ZSWIM5: variants seen among roughly 807,000 people sequenced by gnomAD.
The protein encoded by ZSWIM5 is zinc finger SWIM-type containing 5, also known as zinc finger SWIM domain-containing protein 5.
A neutral mutation model predicts 119.6 loss-of-function variants in ZSWIM5; 55 were observed. That is an observed-to-expected ratio of 0.46 (90% CI 0.37 to 0.58). The LOEUF is 0.58. ZSWIM5 is among the 20% of genes least tolerant of loss of function. The probability of loss-of-function intolerance (pLI) is 0.00; values close to 1 mark genes in which losing one functional copy is unlikely to be tolerated. For synonymous variants in ZSWIM5, 537 were observed against 606.9 expected, an observed-to-expected ratio of 0.88 and a Z score of 1.69; for missense variants, 1,193 against 1,512.8, an observed-to-expected ratio of 0.79 and a Z score of 3.51.
chr1:45,164,702 G>T (rs1645889585), intron 1 of ZSWIM5, among the ~76,000 whole-genome samples: 1 of 152,018 alleles, frequency 6.6e-6, no homozygotes, highest in South Asian at 2.1e-4. Context: ...AACCAACAAA[G>T]ATCAGAAGAG....
chr1:45,156,215 C>T (rs1013172983), intron 1 of ZSWIM5, among the ~76,000 whole-genome samples: 1 of 152,004 alleles, frequency 6.6e-6, no homozygotes, highest in Non-Finnish European at 1.5e-5. Context: ...CATGTTCTCA[C>T]TTACAAGTGG....
In ZSWIM5 at chr1:45,098,951, G is replaced by T. The variant is rs1333582525; in HGVS notation, c.596-10714C>A. Among the ~76,000 whole-genome samples, 4 of 152,198 alleles carry T rather than the reference G, an allele frequency of 2.6e-5. No homozygotes were observed. The East Asian group carries it at 7.7e-4, about 29-fold the overall frequency. The stretch of plus-strand genomic sequence containing the variant: ...AATGCCCACAAGAGAAAGCGGTGAA[G>T]ATCTAAAATAGACACCTTAACATCA... On this transcript the variant is annotated intron_variant, in intron 1 of 13. Transcript: ENST00000359600.
intron 1 of ZSWIM5, among the ~76,000 whole-genome samples, chr1:45,144,859 C>T (rs1645751328): frequency 6.6e-6 from 1 of 152,076 alleles, no homozygotes; most frequent in Admixed American, 6.5e-5. Context: ...GACAAAGACA[C>T]TATTAAAATA....
chr1:45,113,128 G>A (rs930808712), intron 1 of ZSWIM5, among the ~76,000 whole-genome samples: 2 of 152,044 alleles, frequency 1.3e-5, no homozygotes, highest in African/African-American at 2.4e-5. Flanking sequence ...GAGTAATGAC[G>A]GGCACAATTC....
chr1:45,063,562 A>G (rs1182332369), intron 2 of ZSWIM5, among the ~76,000 whole-genome samples: 1 of 152,156 alleles, frequency 6.6e-6, no homozygotes, highest in Non-Finnish European at 1.5e-5. Context: ...AGCCAGAAAG[A>G]CTGTTCCCAG....
At chr1:45,086,781 T>C (rs1023313729) in intron 2 of ZSWIM5, among the ~76,000 whole-genome samples, 6 of 149,522 alleles carry the variant, frequency 4.0e-5, no homozygotes, top group Non-Finnish European at 5.9e-5. Context: ...TAAAGTATAA[T>C]AAAAAATAAA....
rs578114661 is a variant in ZSWIM5, at chr1:45,189,320, A to AAAT, written c.595+16433_595+16435dup. Among the ~76,000 whole-genome samples, 497 of 151,608 alleles carry AAAT rather than the reference A, an allele frequency of 3.3e-3. 3 individuals carry two copies. The highest frequency in any genetic ancestry group is 7.3e-3 in the Admixed American group (111 of 15,224). On this transcript the variant is annotated intron_variant, in intron 1 of 13. Transcript: ENST00000359600. The stretch of plus-strand genomic sequence containing the variant: ...ACAGACAGAGACTCTGTCTCAAAGA[A>AAAT]AATAATAATAATAATAATAATAATA...
chr1:45,096,074 C>A (rs1645399658), intron 1 of ZSWIM5, among the ~76,000 whole-genome samples: 1 of 152,084 alleles, frequency 6.6e-6, no homozygotes, highest in Non-Finnish European at 1.5e-5. Flanking sequence ...TCCTAAAATA[C>A]AAAAACAAAA....
chr1:45,180,116 G>C (rs1006228782), intron 1 of ZSWIM5, among the ~76,000 whole-genome samples: 1 of 152,156 alleles, frequency 6.6e-6, no homozygotes, highest in Non-Finnish European at 1.5e-5. Flanking sequence ...TGCGCCAGCC[G>C]AAGCAGGGCG....
In ZSWIM5 at chr1:45,205,886, G is replaced by GC; in HGVS notation, c.464dup (p.Val156ArgfsTer53). On this transcript the variant is annotated frameshift_variant, in exon 1 of 14. Transcript: ENST00000359600. LOFTEE classifies it high-confidence loss of function. ...GCCCGGGGGATGCCCCAGCCGCGACGCCCCCGGGGGCGGAGCCGGCCGGAG... is the reference window on the plus strand; with the variant it reads ...GCCCGGGGGATGCCCCAGCCGCGACGCCCCCCGGGGGCGGAGCCGGCCGGAG... 1.8e-6 allele frequency: 2 copies of GC among 1,094,776 alleles called. No individual in the cohort carries two copies. Among genetic ancestry groups the GC allele is most frequent in the Non-Finnish European group, 2.2e-6 (2 of 905,426 alleles). The allele number at this position is 1,094,776 out of a possible 1,614,324, so 67.8% of individuals were successfully genotyped here.
chr1:45,181,452 A>ATG (rs1570190146), intron 1 of ZSWIM5, among the ~76,000 whole-genome samples: 2 of 152,280 alleles, frequency 1.3e-5, no homozygotes, highest in East Asian at 1.9e-4. Flanking sequence ...CCAAATCTGC[A>ATG]TCTGATTGGT....
chr1:45,182,154 C>G (rs1323940657), intron 1 of ZSWIM5, among the ~76,000 whole-genome samples: 4 of 152,170 alleles, frequency 2.6e-5, no homozygotes, highest in African/African-American at 9.7e-5. Context: ...CGGTGGCTCA[C>G]GCCTGTAATC....
chr1:45,110,001 AC>A (rs1645507239), intron 1 of ZSWIM5, among the ~76,000 whole-genome samples: 1 of 152,024 alleles, frequency 6.6e-6, no homozygotes, highest in African/African-American at 2.4e-5. Context: ...GCAAGCTGGG[AC>A]CACAGATGCA....
chr1:45,105,751 A>T (rs1371090424), intron 1 of ZSWIM5, among the ~76,000 whole-genome samples: 1 of 98,240 alleles, frequency 1.0e-5, no homozygotes, highest in Non-Finnish European at 2.0e-5. Flanking sequence ...CCCCGCCGCC[A>T]CCCCATCTAG....
At chr1:45,090,860 G>T (rs978295419) in intron 1 of ZSWIM5, among the ~76,000 whole-genome samples, 1 of 151,440 alleles carries the variant, frequency 6.6e-6, no homozygotes, top group Non-Finnish European at 1.5e-5. Flanking sequence ...CTAAAGAAGA[G>T]AACTGTAGGG....
intron 3 of ZSWIM5, 49 bp from the exon 4 acceptor site, chr1:45,058,808 A>C: frequency 6.2e-7 from 1 of 1,605,788 alleles, no homozygotes; most frequent in Non-Finnish European, 8.5e-7. Context: ...ATCACAAAAA[A>C]GTAGGAGGAG....
intron 11 of ZSWIM5, among the ~76,000 whole-genome samples, chr1:45,028,231 T>A (rs1013703010): frequency 2.0e-5 from 3 of 152,136 alleles, no homozygotes; most frequent in East Asian, 1.9e-4. Context: ...CTATCTATAT[T>A]TTTTTTGTTG....
rs556233852 is a variant in ZSWIM5 at position 45,073,555 on chromosome 1, G to A, written c.953-13308C>T. Among the ~76,000 whole-genome samples the A allele has an allele frequency of 4.4e-4, 66 of 151,488 alleles. 1 individual carries two copies. The highest frequency in any genetic ancestry group is 6.9e-4 in the Non-Finnish European group (47 of 67,916). The stretch of plus-strand genomic sequence containing the variant: ...ATTACAGACATGAGCCACTGCGCCC[G>A]GCCTGCTGATTTTTGTATGTTGATT... On this transcript the variant is annotated intron_variant, in intron 2 of 13. Transcript: ENST00000359600.
intron 1 of ZSWIM5, among the ~76,000 whole-genome samples, chr1:45,137,200 A>C (rs1378591786): frequency 6.6e-6 from 1 of 151,928 alleles, no homozygotes; most frequent in East Asian, 1.9e-4. Flanking sequence ...AGTAGCTGGA[A>C]CTCCAAGCAC....
Sources: gnomAD v4.1 joint callset for allele counts (sites outside exome capture counted in the v4.1 genomes callset) on GRCh38, gnomAD v4.1.1 for gene constraint, MANE v1.5 for transcripts, NCBI Gene and HGNC (gene_info 2026-07-23, HGNC 2026-07-21) for gene names.